NCAM2: variants seen among roughly 807,000 people sequenced by gnomAD.
NCAM2 encodes the protein N-CAM-2.
Under a neutral mutation model 98.1 loss-of-function variants are expected in NCAM2, and 30 were observed. The ratio of observed to expected loss-of-function variants is 0.31; its 90% CI spans 0.23 to 0.41. The LOEUF is 0.41. Among genes scored for constraint, NCAM2 ranks in the 10% least tolerant of loss-of-function variants. The pLI is 1.00. For missense variants in NCAM2, 867 were observed against 1,005.8 expected (o/e 0.86, Z 1.87); for synonymous variants, 368 against 342.4 (o/e 1.07, Z -0.83).
At chr21:21,173,001 G>A (rs1244358906) in intron 1 of NCAM2, among the ~76,000 whole-genome samples, 1 of 152,080 alleles carries the variant, frequency 6.6e-6, no homozygotes, top group East Asian at 1.9e-4. Flanking sequence ...AATAAGGGTG[G>A]ACTTGACTAA....
intron 1 of NCAM2, among the ~76,000 whole-genome samples, chr21:21,122,349 C>A (rs1048566050): frequency 6.6e-6 from 1 of 152,016 alleles, no homozygotes; most frequent in African/African-American, 2.4e-5. Flanking sequence ...TGTATAAAGC[C>A]TGAGTTTTAT....
rs145836779 is a variant in NCAM2 at position 21,525,561 on chromosome 21, G to A, written c.2283-8976G>A. Among the ~76,000 whole-genome samples the A allele has an allele frequency of 5.3e-3, 813 of 152,118 alleles. 5 individuals are homozygous for A. The highest frequency in any genetic ancestry group is 0.024 in the South Asian group (115 of 4,810). ...GACAGAAAGCACCAAGCCCAGACAA[G>A]TTCACTGGTGAATTCTACCAAACAT... On this transcript the variant is annotated intron_variant, in intron 16 of 17. Coordinates refer to ENST00000400546, the MANE Select transcript of NCAM2 (RefSeq NM_004540.5).
At chr21:21,475,720 C>T (rs1985080949) in intron 14 of NCAM2, among the ~76,000 whole-genome samples, 1 of 152,108 alleles carries the variant, frequency 6.6e-6, no homozygotes, top group Admixed American at 6.6e-5. Flanking sequence ...AGGCAAGTGC[C>T]TCTTGTGTAT....
At chr21:21,264,708 T>C (rs1435429523) in intron 1 of NCAM2, among the ~76,000 whole-genome samples, 1 of 148,672 alleles carries the variant, frequency 6.7e-6, no homozygotes, top group Non-Finnish European at 1.5e-5. Context: ...TACACACACA[T>C]ACATCATTTT....
At chr21:21,262,584 G>T (rs895894420) in intron 1 of NCAM2, among the ~76,000 whole-genome samples, 1 of 140,042 alleles carries the variant, frequency 7.1e-6, no homozygotes, top group Non-Finnish European at 1.5e-5. Flanking sequence ...TTAAGAACTG[G>T]TTCAGAAACA....
At chr21:21,195,573 A>G (rs941865830) in intron 1 of NCAM2, among the ~76,000 whole-genome samples, 2 of 152,228 alleles carry the variant, frequency 1.3e-5, no homozygotes, top group African/African-American at 4.8e-5. Context: ...ACATTAATAT[A>G]ACAGCATTAG....
intron 1 of NCAM2, among the ~76,000 whole-genome samples, chr21:21,168,327 C>T (rs987017643): frequency 2.0e-5 from 3 of 152,142 alleles, no homozygotes; most frequent in African/African-American, 7.2e-5. Context: ...CTACCAAAAC[C>T]TACAGCTAAC....
chr21:21,461,858 G>A (rs937130781), intron 12 of NCAM2, among the ~76,000 whole-genome samples: 2 of 151,894 alleles, frequency 1.3e-5, no homozygotes, highest in Admixed American at 6.6e-5. Context: ...AAACTTAAAG[G>A]CAATTTCATT....
At chr21:21,501,193 G>A (rs1437288572) in intron 15 of NCAM2, among the ~76,000 whole-genome samples, 2 of 151,944 alleles carry the variant, frequency 1.3e-5, no homozygotes, top group South Asian at 2.1e-4. Flanking sequence ...TAAGGAATAG[G>A]TAATCTTGGT....
chr21:21,509,417 C>T (rs181649308), intron 16 of NCAM2, among the ~76,000 whole-genome samples: 1 of 152,154 alleles, frequency 6.6e-6, no homozygotes, highest in East Asian at 1.9e-4. Flanking sequence ...AAGGCTTCAA[C>T]AATAATCTGA....
At chr21:21,441,112 A>G (rs1006369967) in intron 12 of NCAM2, among the ~76,000 whole-genome samples, 1 of 152,190 alleles carries the variant, frequency 6.6e-6, no homozygotes, top group Non-Finnish European at 1.5e-5. Context: ...AAATTCTGGA[A>G]GTGTTTCTGC....
intron 1 of NCAM2, among the ~76,000 whole-genome samples, chr21:21,248,011 G>A (rs569198277): frequency 8.7e-4 from 133 of 152,184 alleles, no homozygotes; most frequent in Admixed American, 1.6e-3. Flanking sequence ...CAGAATGTGA[G>A]GGAAGAGGCA....
chr21:21,115,471 C>T (rs1323976362), intron 1 of NCAM2, among the ~76,000 whole-genome samples: 1 of 152,162 alleles, frequency 6.6e-6, no homozygotes, highest in Non-Finnish European at 1.5e-5. Context: ...TCACCACTCT[C>T]TTCTTGGTAA....
At chr21:21,464,769 AC>A (rs1983456930) in intron 12 of NCAM2, among the ~76,000 whole-genome samples, 1 of 152,116 alleles carries the variant, frequency 6.6e-6, no homozygotes, top group Admixed American at 6.6e-5. Context: ...CTTCAGTGTA[AC>A]TATATACTTT....
intron 1 of NCAM2, among the ~76,000 whole-genome samples, chr21:21,148,809 A>G (rs1465536078): frequency 1.3e-5 from 2 of 152,208 alleles, no homozygotes; most frequent in Non-Finnish European, 2.9e-5. Context: ...ACAGAATTAG[A>G]AAATAATTAT....
rs544140850 is a variant in NCAM2 at position 21,399,474 on chromosome 21, T to C, written c.1196-10800T>C. Among the ~76,000 whole-genome samples the C allele has an allele frequency of 7.9e-5, 12 of 152,346 alleles. No homozygotes were observed. The South Asian group carries it at 2.3e-3, about 29-fold the overall frequency. On this transcript the variant is annotated intron_variant, in intron 9 of 17. Coordinates refer to ENST00000400546, the MANE Select transcript of NCAM2 (RefSeq NM_004540.5). ...AAGATATTTCACTCTAGTATGTGAA[T>C]GCTTTGAAGAGTATGTAGGACATAA...
At chr21:21,349,419 T>A (rs1030948584) in intron 8 of NCAM2, among the ~76,000 whole-genome samples, 1 of 152,036 alleles carries the variant, frequency 6.6e-6, no homozygotes, top group Non-Finnish European at 1.5e-5. Flanking sequence ...ATCCAGAAAC[T>A]ATGCAATAAG....
At chr21:21,028,441 A>G (rs1008150035) in intron 1 of NCAM2, among the ~76,000 whole-genome samples, 2 of 152,218 alleles carry the variant, frequency 1.3e-5, no homozygotes, top group African/African-American at 4.8e-5. Flanking sequence ...AAAACCAAAC[A>G]CAGTGATTCA....
chr21:21,371,275 T>C (rs1489082901), intron 8 of NCAM2, among the ~76,000 whole-genome samples: 3 of 151,920 alleles, frequency 2.0e-5, no homozygotes, highest in Non-Finnish European at 4.4e-5. Flanking sequence ...AAATTAATTC[T>C]AATAACCTTT....
Sources: gnomAD v4.1 joint callset for allele counts (sites outside exome capture counted in the v4.1 genomes callset) on GRCh38, gnomAD v4.1.1 for gene constraint, MANE v1.5 for transcripts, NCBI Gene and HGNC (gene_info 2026-07-23, HGNC 2026-07-21) for gene names.